The following CACNA1I variants were observed in gnomAD, a reference collection of about 807,000 sequenced individuals.
CACNA1I encodes calcium voltage-gated channel subunit alpha1 I.
CACNA1I carries 74 observed loss-of-function variants against 201.6 expected under a neutral mutation model. That is an observed-to-expected ratio of 0.37 (90% CI 0.30 to 0.45). The LOEUF is 0.45. Ranked by LOEUF, CACNA1I falls within the 20% of genes least tolerant of loss-of-function variation. The probability of loss-of-function intolerance (pLI) is 1.00; values close to 1 mark genes in which losing one functional copy is unlikely to be tolerated. For synonymous variants in CACNA1I, 1,431 were observed against 1,345.2 expected (o/e 1.06, Z -1.40); for missense variants, 2,346 against 3,138.1 (o/e 0.75, Z 6.03).
intron 1 of CACNA1I, among the ~76,000 whole-genome samples, chr22:39,581,043 GA>G (rs149581992): frequency 0.031 from 4,731 of 152,268 alleles, 240 homozygotes; most frequent in African/African-American, 0.11. Flanking sequence ...AGCCACACCC[GA>G]ATCACACTCT....
intron 4 of CACNA1I, among the ~76,000 whole-genome samples, chr22:39,622,355 A>G (rs1314557671): frequency 1.3e-5 from 1 of 78,426 alleles, no homozygotes; most frequent in Non-Finnish European, 2.5e-5. Flanking sequence ...GACCCAGGGG[A>G]GGATGGGGAT....
At chr22:39,614,203 G>T (rs1473857841) in intron 3 of CACNA1I, among the ~76,000 whole-genome samples, 2 of 152,266 alleles carry the variant, frequency 1.3e-5, no homozygotes, top group Admixed American at 1.3e-4. Flanking sequence ...CTGTAATCCA[G>T]CTGAGAGAGG....
chr22:39,585,727 G>GTTTTTT (rs34320968), intron 1 of CACNA1I, among the ~76,000 whole-genome samples: 13 of 83,940 alleles, frequency 1.5e-4, no homozygotes, highest in Admixed American at 2.1e-4. Context: ...AACTTTTAAA[G>GTTTTTT]TTTTTTTTTT....
intron 10 of CACNA1I, among the ~76,000 whole-genome samples, chr22:39,651,453 T>C (rs556520900): frequency 3.3e-4 from 50 of 152,314 alleles, no homozygotes; most frequent in African/African-American, 1.2e-3. Context: ...AAAAGGTCTC[T>C]GGGGAGGGCT....
chr22:39,635,332 C>T (rs572574769), intron 5 of CACNA1I, among the ~76,000 whole-genome samples: 7 of 151,028 alleles, frequency 4.6e-5, no homozygotes, highest in African/African-American at 7.4e-5. Flanking sequence ...GCTCAGGATG[C>T]GGCAGAAGGG....
chr22:39,651,008 G>A (rs1025799861), intron 10 of CACNA1I, among the ~76,000 whole-genome samples: 5 of 152,148 alleles, frequency 3.3e-5, no homozygotes, highest in Admixed American at 6.5e-5. Flanking sequence ...TGGCAGGTCT[G>A]GTCCTGCCCC....
At chr22:39,630,711 A>C (rs1934037296) in intron 4 of CACNA1I, among the ~76,000 whole-genome samples, 1 of 152,240 alleles carries the variant, frequency 6.6e-6, no homozygotes, top group South Asian at 2.1e-4. Flanking sequence ...GACACCAGAC[A>C]AGGCGACCGC....
intron 1 of CACNA1I, among the ~76,000 whole-genome samples, chr22:39,589,636 A>G (rs1444378123): frequency 6.6e-6 from 1 of 152,218 alleles, no homozygotes; most frequent in East Asian, 1.9e-4. Flanking sequence ...CAGGCCACGT[A>G]TACAGCAGGT....
At chr22:39,585,685 C>G (rs1373228774) in intron 1 of CACNA1I, among the ~76,000 whole-genome samples, 1 of 145,080 alleles carries the variant, frequency 6.9e-6, no homozygotes, top group Non-Finnish European at 1.5e-5. Context: ...AGCTACCATG[C>G]CCAGCTGTAA....
rs1302713117 is a variant in CACNA1I, at chr22:39,679,734, C to T, written c.5407C>T (p.Leu1803=). 3 of 1,612,088 alleles carry T rather than the reference C, an allele frequency of 1.9e-6. No individual in the cohort carries two copies. The highest frequency in any genetic ancestry group is 2.5e-6 in the Non-Finnish European group (3 of 1,179,260). The change falls in exon 33 of 37, where the codon CTG becomes TTG. Residue 1803 remains leucine, a synonymous_variant. Coordinates refer to ENST00000402142, the MANE Select transcript of CACNA1I (RefSeq NM_021096.4). ...CCCGTCCGCCTAGGAGAACCTGTGG[C>T]TGGACAGCGTCTCTTTAATCATCAA... ...CYSPAQENLW[L]DSVSLIIKDS...
In CACNA1I at chr22:39,679,131, G is replaced by A. The variant is rs772474527; in HGVS notation, c.5080G>A (p.Asp1694Asn). The A allele has an allele frequency of 1.3e-6, 2 of 1,594,038 alleles. No individual in the cohort carries two copies. Among genetic ancestry groups the A allele is most frequent in the Non-Finnish European group, 1.7e-6 (2 of 1,171,408 alleles). Residue 1694 changes from aspartate to asparagine, a missense_variant, in exon 32 of 37, where the codon GAC becomes AAC. This residue lies in a region of CACNA1I where 64 missense variants were observed against 131.8 expected (regional missense o/e 0.49). Transcript: ENST00000402142. ...MKDTLRDCTH[D>N]ERSCLSSLQF... Reference sequence around the variant, plus strand: ...GGACACGCTGCGGGACTGCACCCACGACGAGCGCAGCTGCCTGAGCAGCCT... The same window carrying A: ...GGACACGCTGCGGGACTGCACCCACAACGAGCGCAGCTGCCTGAGCAGCCT...
intron 10 of CACNA1I, 87 bp from the exon 11 acceptor site, chr22:39,658,065 C>G: frequency 2.1e-6 from 3 of 1,418,564 alleles, no homozygotes; most frequent in Middle Eastern, 4.7e-4. Flanking sequence ...CTGCCAGGGT[C>G]ACACAGCCAG....
chr22:39,636,516 C>G (rs775626202), intron 5 of CACNA1I, among the ~76,000 whole-genome samples: 1 of 152,074 alleles, frequency 6.6e-6, no homozygotes, highest in Non-Finnish European at 1.5e-5. Context: ...GTCGGTGTTG[C>G]GTGAAAAAGG....
intron 1 of CACNA1I, among the ~76,000 whole-genome samples, chr22:39,594,832 C>G (rs796441588): frequency 6.6e-6 from 1 of 152,110 alleles, no homozygotes; most frequent in East Asian, 1.9e-4. Context: ...TAGCACCCCC[C>G]CTTACCCACA....
chr22:39,658,492 C>T (rs761229068), intron 11 of CACNA1I, among the ~76,000 whole-genome samples, 189 bp downstream of exon 11: 9 of 152,186 alleles, frequency 5.9e-5, no homozygotes, highest in Non-Finnish European at 1.2e-4. Context: ...GATCTAGCAG[C>T]GCGTCTGTGA....
At position 39,668,285 on chromosome 22, in the gene CACNA1I, C is replaced by A; in HGVS notation, c.4105-7C>A. 2.5e-6 allele frequency: 4 copies of A among 1,602,810 alleles called. No homozygotes were observed. The highest frequency in any genetic ancestry group is 3.4e-6 in the Non-Finnish European group (4 of 1,169,788). ...ACCCCTGCATTCCGCCTCCCCATGT[C>A]TCCCAGGCTCTGATGTCCCTCTTTG... On this transcript the variant is annotated splice_polypyrimidine_tract_variant and splice_region_variant and intron_variant, in intron 23 of 36. Coordinates refer to ENST00000402142, the MANE Select transcript of CACNA1I (RefSeq NM_021096.4).
At chr22:39,578,226 G>T (rs933164626) in intron 1 of CACNA1I, among the ~76,000 whole-genome samples, 9 of 152,114 alleles carry the variant, frequency 5.9e-5, no homozygotes, top group Admixed American at 3.9e-4. Context: ...TGCTGTCCCT[G>T]CCCTGGTCAC....
At chr22:39,606,493 GTCA>G (rs1377039360) in intron 3 of CACNA1I, among the ~76,000 whole-genome samples, 1 of 152,290 alleles carries the variant, frequency 6.6e-6, no homozygotes, top group East Asian at 1.9e-4. Context: ...CAAAGACCCC[GTCA>G]TCATCTCTAT....
rs1389018655 is a variant in CACNA1I, at chr22:39,629,965, A to G, written c.581-4600A>G. On this transcript the variant is annotated intron_variant, in intron 4 of 36. Transcript: ENST00000402142. This position sits in a 1 kb window ranked among gnomAD's most constrained non-coding sequence, Gnocchi z 4.8. ...GCTCCATGACCCTTTGGAGAAGCTC[A>G]AGTCTTCCAGCCCCCTGGCCCTGTC... is the stretch of plus-strand genomic sequence containing the variant. 6.6e-6 allele frequency among the ~76,000 whole-genome samples: 1 copy of G among 151,996 alleles called. No individual in the cohort carries two copies. The highest frequency in any genetic ancestry group is 2.4e-5 in the African/African-American group (1 of 41,344).
Sources: allele counts gnomAD v4.1 joint callset (sites outside exome capture counted in the v4.1 genomes callset), GRCh38; gene constraint gnomAD v4.1.1; regional missense constraint gnomAD v4.1.1; non-coding constraint Gnocchi (gnomAD v3.1); transcripts MANE v1.5; gene names NCBI Gene and HGNC (gene_info 2026-07-23, HGNC 2026-07-21).